The following SLC35D3 variants were observed in gnomAD, a reference collection of about 807,000 sequenced individuals.
SLC35D3 encodes frc, fringe-like 1.
A neutral mutation model predicts 20.3 loss-of-function variants in SLC35D3; 18 were observed. The observed-to-expected ratio is 0.89, with a 90% CI of 0.61 to 1.32. The LOEUF (loss-of-function observed/expected upper bound fraction) is 1.32, where lower values mean the gene tolerates loss of function less well. SLC35D3 is among the 40% of genes most tolerant of loss of function. SLC35D3 has a pLI of 0.00. For synonymous variants in SLC35D3, 313 were observed against 263.5 expected, an observed-to-expected ratio of 1.19 and a Z score of -1.82; for missense variants, 556 against 565.5, an observed-to-expected ratio of 0.98 and a Z score of 0.17.
Position 136,922,542 on chromosome 6 carries a change from C to A in SLC35D3, c.114C>A (p.Phe38Leu). The change falls in exon 1 of 2, where the codon TTC becomes TTA. Residue 38 changes from phenylalanine to leucine, a missense_variant. By Grantham distance (22) the Phe-to-Leu change is conservative. Coordinates refer to ENST00000331858, the MANE Select transcript of SLC35D3 (RefSeq NM_001008783.3). This position sits in a 1 kb window ranked among gnomAD's most constrained non-coding sequence, Gnocchi z 6.8. ...LLKFLISRYQFSFLTLVQCLT... is the reference protein window; with the variant it reads ...LLKFLISRYQLSFLTLVQCLT... ...AGTTCCTCATCAGCCGCTACCAGTT[C>A]TCCTTCCTGACCCTGGTGCAGTGCC... 6.2e-7 allele frequency: 1 copy of A among 1,612,640 alleles called. No individual in the cohort carries two copies. Among genetic ancestry groups the A allele is most frequent in the Non-Finnish European group, 8.5e-7 (1 of 1,179,728 alleles).
At position 136,923,910 on chromosome 6, in the gene SLC35D3, C is replaced by T. The variant is rs1473894803; in HGVS notation, c.465C>T (p.Pro155=). The change falls in exon 2 of 2, where the codon CCC becomes CCT. Residue 155 remains proline, a synonymous_variant. Transcript: ENST00000331858. The surrounding 1 kb of genome is among the most constrained non-coding windows in gnomAD (Gnocchi z 6.2). ...GAGCCGGCGACCTGACGGGCGACCC[C>T]ATCGGGTACGTCACGGGAGTGCTGG... is the stretch of plus-strand genomic sequence containing the variant. ...LAGAGDLTGD[P]IGYVTGVLAV... The T allele has an allele frequency of 1.3e-6, 2 of 1,525,524 alleles. No individual in the cohort carries two copies. The highest frequency in any genetic ancestry group is 4.9e-5 in the East Asian group (2 of 40,798). 94.5% of individuals were successfully genotyped at this position (1,525,524 alleles called of 1,614,324 possible). A position where few individuals can be genotyped will look rare whatever the true frequency, so the allele number is the denominator to read the frequency against.
Position 136,923,800 on chromosome 6 carries a change from C to T in SLC35D3, c.440-85C>T. ...TCCTTTCCTACCCGACGCGTTTTCC[C>T]CGTGGGTCCCCGCCCACGCCAACCT... On this transcript the variant is annotated intron_variant, in intron 1 of 1. Coordinates refer to ENST00000331858, the MANE Select transcript of SLC35D3 (RefSeq NM_001008783.3). This position sits in a 1 kb window ranked among gnomAD's most constrained non-coding sequence, Gnocchi z 6.2. 1 of 1,336,090 alleles carries T rather than the reference C, an allele frequency of 7.5e-7. No individual in the cohort carries two copies. Among genetic ancestry groups the T allele is most frequent in the Non-Finnish European group, 9.9e-7 (1 of 1,006,918 alleles). 82.8% of individuals were successfully genotyped at this position (1,336,090 alleles called of 1,614,324 possible).
In SLC35D3 at chr6:136,922,424, G is replaced by C; in HGVS notation, c.-5G>C. ...GCCACCGCTGGGTGCGGCGAGGCCGGCGCGATGCGGCAGCTGTGCCGGGGC... is the reference window on the plus strand; with the variant it reads ...GCCACCGCTGGGTGCGGCGAGGCCGCCGCGATGCGGCAGCTGTGCCGGGGC... On this transcript the variant is annotated 5_prime_UTR_variant, in exon 1 of 2. Transcript: ENST00000331858. This position sits in a 1 kb window ranked among gnomAD's most constrained non-coding sequence, Gnocchi z 6.8. 1 of 1,538,088 alleles carries C rather than the reference G, an allele frequency of 6.5e-7. No homozygotes were observed. The highest frequency in any genetic ancestry group is 8.7e-7 in the Non-Finnish European group (1 of 1,145,898).
In SLC35D3 at chr6:136,924,178, C is replaced by T. The variant is rs1244718585; in HGVS notation, c.733C>T (p.His245Tyr). ...IGCAMNFTTL[H>Y]CTYINSAVTT... Reference sequence around the variant, plus strand: ...CTGCGCCATGAACTTCACCACGCTGCACTGCACCTACATCAATTCGGCCGT... The same window carrying T: ...CTGCGCCATGAACTTCACCACGCTGTACTGCACCTACATCAATTCGGCCGT... Residue 245 changes from histidine (H) to tyrosine (Y), a missense_variant, in exon 2 of 2, where the codon CAC becomes TAC. Physicochemically the swap from His to Tyr is moderately conservative, Grantham distance 83 (BLOSUM62 2). Transcript: ENST00000331858. 3.1e-5 allele frequency: 50 copies of T among 1,613,308 alleles called. No individual in the cohort carries two copies. Among genetic ancestry groups the T allele is most frequent in the Non-Finnish European group, 4.1e-5 (48 of 1,180,048 alleles).
chr6:136,924,376 T>C lies in SLC35D3; in HGVS notation c.931T>C (p.Tyr311His). The change falls in exon 2 of 2, where the codon TAC becomes CAC. Residue 311 changes from tyrosine (Y) to histidine (H), a missense_variant. Transcript: ENST00000331858. ...CATGGAGACCAGAAAGCAAAGCAACTACGAGGACCTGGAGGCCCAGCCTCG... is the reference window on the plus strand; with the variant it reads ...CATGGAGACCAGAAAGCAAAGCAACCACGAGGACCTGGAGGCCCAGCCTCG... Reference protein sequence around the residue: ...KFMETRKQSNYEDLEAQPRGE... With the variant: ...KFMETRKQSNHEDLEAQPRGE... The C allele has an allele frequency of 6.2e-7, 1 of 1,614,022 alleles. No individual in the cohort carries two copies. The highest frequency in any genetic ancestry group is 8.5e-7 in the Non-Finnish European group (1 of 1,180,026).
Position 136,924,330 on chromosome 6 carries a change from C to G in SLC35D3, c.885C>G (p.Ile295Met), listed in dbSNP as rs1332179213. ...AGVVVNTLGS[I>M]IYCVAKFMET... ...TGGTGGTGAACACCCTGGGCTCTAT[C>G]ATTTACTGTGTGGCCAAGTTCATGG... is the stretch of plus-strand genomic sequence containing the variant. Residue 295 changes from isoleucine (I) to methionine (M), a missense_variant, in exon 2 of 2, where the codon ATC (isoleucine) becomes ATG (methionine). Ile to Met is a conservative substitution (Grantham distance 10). Coordinates refer to ENST00000331858, the MANE Select transcript of SLC35D3 (RefSeq NM_001008783.3). The G allele has an allele frequency of 1.9e-6, 3 of 1,614,178 alleles. No individual in the cohort carries two copies. Among genetic ancestry groups the G allele is most frequent in the Admixed American group, 3.3e-5 (2 of 60,032 alleles).
Position 136,923,154 on chromosome 6 carries a change from C to G in SLC35D3, c.439+287C>G, listed in dbSNP as rs1776085862. On this transcript the variant is annotated intron_variant, in intron 1 of 1. Coordinates refer to ENST00000331858, the MANE Select transcript of SLC35D3 (RefSeq NM_001008783.3). This position sits in a 1 kb window ranked among gnomAD's most constrained non-coding sequence, Gnocchi z 6.2. ...CCTTCCTGTCGCCCCCTCTCCTGGTCTTCCCCTGTCACCCCATTCTCCGGG... is the reference window on the plus strand; with the variant it reads ...CCTTCCTGTCGCCCCCTCTCCTGGTGTTCCCCTGTCACCCCATTCTCCGGG... Among the ~76,000 whole-genome samples, 1 of 152,292 alleles carries G rather than the reference C, an allele frequency of 6.6e-6. No individual in the cohort carries two copies. Among genetic ancestry groups the G allele is most frequent in the Non-Finnish European group, 1.5e-5 (1 of 68,022 alleles).
rs771077990 is a variant in SLC35D3 at position 136,924,498 on chromosome 6, A to G, written c.1053A>G (p.Ala351=). ...GGNGRSEGGE[A]AGGPAQESRQ... ...ATGGCCGGTCAGAAGGTGGGGAGGC[A>G]GCAGGTGGCCCCGCTCAGGAGAGCA... is the stretch of plus-strand genomic sequence containing the variant. Residue 351 remains alanine, a synonymous_variant, in exon 2 of 2, where the codon GCA becomes GCG. Coordinates refer to ENST00000331858, the MANE Select transcript of SLC35D3 (RefSeq NM_001008783.3). The G allele has an allele frequency of 1.2e-6, 2 of 1,613,498 alleles. No individual in the cohort carries two copies. The highest frequency in any genetic ancestry group is 2.7e-5 in the African/African-American group (2 of 75,060).
rs1282436450 is a variant in SLC35D3 at position 136,923,551 on chromosome 6, T to C, written c.440-334T>C. ...GGGGTGCAGGTACCACGCGCCCAAGTGACCTCGGTGCCAGCTCGGGGAAGC... is the reference window on the plus strand; with the variant it reads ...GGGGTGCAGGTACCACGCGCCCAAGCGACCTCGGTGCCAGCTCGGGGAAGC... On this transcript the variant is annotated intron_variant, in intron 1 of 1. Transcript: ENST00000331858. The surrounding 1 kb of genome is among the most constrained non-coding windows in gnomAD (Gnocchi z 6.2). 3.9e-5 allele frequency among the ~76,000 whole-genome samples: 6 copies of C among 152,182 alleles called. No individual in the cohort carries two copies. The highest frequency in any genetic ancestry group is 1.2e-4 in the African/African-American group (5 of 41,456).
chr6:136,924,613 C>T lies in SLC35D3; in HGVS notation c.1168C>T (p.Leu390Phe), dbSNP rs1238146627. The change falls in exon 2 of 2, where the codon CTC becomes TTC. Residue 390 changes from leucine (L) to phenylalanine (F), a missense_variant. Transcript: ENST00000331858. ...GSRRSLKDAY[L>F]EVWRLVRGTR... ...CAGGAGGTCGTTAAAAGATGCTTAC[C>T]TCGAGGTATGGAGGTTGGTTAGGGG... 1 of 1,614,044 alleles carries T rather than the reference C, an allele frequency of 6.2e-7. No individual in the cohort carries two copies. The highest frequency in any genetic ancestry group is 8.5e-7 in the Non-Finnish European group (1 of 1,180,028).
In SLC35D3 at chr6:136,924,767, G is replaced by A. The variant is rs535021312; in HGVS notation, c.*71G>A. The A allele has an allele frequency of 2.2e-5, 31 of 1,392,018 alleles. No homozygotes were observed. Among genetic ancestry groups the A allele is most frequent in the Admixed American group, 7.0e-5 (3 of 42,780 alleles). The allele number at this position is 1,392,018 out of a possible 1,614,324, so 86.2% of individuals were successfully genotyped here. ...TGTTAGAAATGACGTGTTTTAATGA[G>A]AGGCCTCCCCGTTTTATTCTTTGAG... On this transcript the variant is annotated 3_prime_UTR_variant, in exon 2 of 2. Coordinates refer to ENST00000331858, the MANE Select transcript of SLC35D3 (RefSeq NM_001008783.3).
rs753288121 is a variant in SLC35D3 at position 136,922,629 on chromosome 6, G to A, written c.201G>A (p.Val67=). The A allele has an allele frequency of 3.7e-6, 6 of 1,610,190 alleles. No individual in the cohort carries two copies. In the South Asian group the frequency reaches 5.5e-5, roughly 15 times the overall value. Residue 67 remains valine, a synonymous_variant, in exon 1 of 2, where the codon GTG becomes GTA. Transcript: ENST00000331858. The surrounding 1 kb of genome is among the most constrained non-coding windows in gnomAD (Gnocchi z 6.8). The part of the protein sequence containing the change: ...ELLRRLGLIA[V]PPFGLSLARS... ...TGCGGCGCCTCGGGCTCATCGCCGTGCCCCCCTTCGGTCTGAGCCTGGCGC... is the reference window on the plus strand; with the variant it reads ...TGCGGCGCCTCGGGCTCATCGCCGTACCCCCCTTCGGTCTGAGCCTGGCGC...
At position 136,924,336 on chromosome 6, in the gene SLC35D3, C is replaced by T; in HGVS notation, c.891C>T (p.Tyr297=). Residue 297 remains tyrosine, a synonymous_variant, in exon 2 of 2, where the codon TAC becomes TAT. Coordinates refer to ENST00000331858, the MANE Select transcript of SLC35D3 (RefSeq NM_001008783.3). ...TGAACACCCTGGGCTCTATCATTTA[C>T]TGTGTGGCCAAGTTCATGGAGACCA... ...VVVNTLGSII[Y]CVAKFMETRK... is the part of the protein sequence containing the mutation. The T allele has an allele frequency of 6.2e-7, 1 of 1,614,168 alleles. No homozygotes were observed. The highest frequency in any genetic ancestry group is 1.3e-5 in the African/African-American group (1 of 75,064).
rs1776093209 is a variant in SLC35D3 at position 136,923,738 on chromosome 6, G to A, written c.440-147G>A. ...AGGGACGGCGGGCGTCTGTCACTCA[G>A]GAATCCGGTGGGCAGAGCTGGGGCG... On this transcript the variant is annotated intron_variant, in intron 1 of 1. Transcript: ENST00000331858. The surrounding 1 kb of genome is among the most constrained non-coding windows in gnomAD (Gnocchi z 6.2). 1.3e-6 allele frequency: 1 copy of A among 777,416 alleles called. No homozygotes were observed. Among genetic ancestry groups the A allele is most frequent in the Non-Finnish European group, 2.0e-6 (1 of 501,792 alleles). 48.2% of individuals were successfully genotyped at this position (777,416 alleles called of 1,614,324 possible).
In SLC35D3 at chr6:136,924,389, A is replaced by G; in HGVS notation, c.944A>G (p.Glu315Gly). 6.2e-7 allele frequency: 1 copy of G among 1,614,080 alleles called. No individual in the cohort carries two copies. The highest frequency in any genetic ancestry group is 8.5e-7 in the Non-Finnish European group (1 of 1,180,024). Reference sequence around the variant, plus strand: ...AAGCAAAGCAACTACGAGGACCTGGAGGCCCAGCCTCGGGGAGAGGAGGCG... The same window carrying G: ...AAGCAAAGCAACTACGAGGACCTGGGGGCCCAGCCTCGGGGAGAGGAGGCG... ...TRKQSNYEDLEAQPRGEEAQL... is the reference protein window; with the variant it reads ...TRKQSNYEDLGAQPRGEEAQL... The change falls in exon 2 of 2, where the codon GAG becomes GGG. Residue 315 changes from glutamate to glycine, a missense_variant. Glu to Gly is a moderately conservative substitution (Grantham distance 98). Coordinates refer to ENST00000331858, the MANE Select transcript of SLC35D3 (RefSeq NM_001008783.3).
rs764552386 is a variant in SLC35D3, at chr6:136,922,668, G to A, written c.240G>A (p.Gly80=). ...TGAGCCTGGCGCGCTCCTTCGCGGG[G>A]GTCGCGGTGCTCTCCACGCTGCAGT... ...FGLSLARSFA[G]VAVLSTLQSS... Residue 80 remains glycine, a synonymous_variant, in exon 1 of 2, where the codon GGG becomes GGA. Transcript: ENST00000331858. The surrounding 1 kb of genome is among the most constrained non-coding windows in gnomAD (Gnocchi z 6.8). 6.2e-7 allele frequency: 1 copy of A among 1,606,294 alleles called. No homozygotes were observed. The highest frequency in any genetic ancestry group is 2.2e-5 in the East Asian group (1 of 44,672).
Position 136,923,736 on chromosome 6 carries a change from C to A in SLC35D3, c.440-149C>A. On this transcript the variant is annotated intron_variant, in intron 1 of 1. Coordinates refer to ENST00000331858, the MANE Select transcript of SLC35D3 (RefSeq NM_001008783.3). This position sits in a 1 kb window ranked among gnomAD's most constrained non-coding sequence, Gnocchi z 6.2. ...CGAGGGACGGCGGGCGTCTGTCACT[C>A]AGGAATCCGGTGGGCAGAGCTGGGG... is the stretch of plus-strand genomic sequence containing the variant. The A allele has an allele frequency of 1.3e-6, 1 of 770,334 alleles. No individual in the cohort carries two copies. The highest frequency in any genetic ancestry group is 2.0e-6 in the Non-Finnish European group (1 of 495,290). The allele number at this position is 770,334 out of a possible 1,614,324, so 47.7% of individuals were successfully genotyped here.
In SLC35D3 at chr6:136,923,901, G is replaced by C. The variant is rs369186676; in HGVS notation, c.456G>C (p.Thr152=). The C allele has an allele frequency of 6.6e-6, 10 of 1,516,780 alleles. No homozygotes were observed. The African/African-American group carries it at 1.2e-4, about 19-fold the overall frequency. The allele number at this position is 1,516,780 out of a possible 1,614,324, so 94.0% of individuals were successfully genotyped here. A position where few individuals can be genotyped will look rare whatever the true frequency, so the allele number is the denominator to read the frequency against. Residue 152 remains threonine (T), a synonymous_variant, in exon 2 of 2, where the codon ACG becomes ACC. Coordinates refer to ENST00000331858, the MANE Select transcript of SLC35D3 (RefSeq NM_001008783.3). This position sits in a 1 kb window ranked among gnomAD's most constrained non-coding sequence, Gnocchi z 6.2. ...GAALAGAGDL[T]GDPIGYVTGV... is the part of the protein sequence containing the mutation. Reference sequence around the variant, plus strand: ...GCGCCGCAGGAGCCGGCGACCTGACGGGCGACCCCATCGGGTACGTCACGG... The same window carrying C: ...GCGCCGCAGGAGCCGGCGACCTGACCGGCGACCCCATCGGGTACGTCACGG...
rs1332961126 is a variant in SLC35D3, at chr6:136,923,055, CAGCGCCCCACCA to C, written c.439+191_439+202del. Among the ~76,000 whole-genome samples, 2 of 152,204 alleles carry C rather than the reference CAGCGCCCCACCA, an allele frequency of 1.3e-5. No homozygotes were observed. Among genetic ancestry groups the C allele is most frequent in the Admixed American group, 1.3e-4 (2 of 15,286 alleles). On this transcript the variant is annotated intron_variant, in intron 1 of 1. Coordinates refer to ENST00000331858, the MANE Select transcript of SLC35D3 (RefSeq NM_001008783.3). The surrounding 1 kb of genome is among the most constrained non-coding windows in gnomAD (Gnocchi z 6.2). Reference sequence around the variant, plus strand: ...GACTTCCGAGACCCAGAGAGCTCCCCAGCGCCCCACCAAGTCCCCCTGCCCCCTAATGTCCTG... The same window carrying C: ...GACTTCCGAGACCCAGAGAGCTCCCCAGTCCCCCTGCCCCCTAATGTCCTG...
Sources: gnomAD v4.1 joint callset for allele counts (sites outside exome capture counted in the v4.1 genomes callset) on GRCh38, gnomAD v4.1.1 for gene constraint, Gnocchi (gnomAD v3.1) non-coding constraint, MANE v1.5 for transcripts, NCBI Gene and HGNC (gene_info 2026-07-23, HGNC 2026-07-21) for gene names.